TYR: variants seen among roughly 807,000 people sequenced by gnomAD.
TYR encodes LB24-AB.
TYR carries 58 observed loss-of-function variants against 51.5 expected under a neutral mutation model. That is an observed-to-expected ratio of 1.13 (90% confidence interval 0.91 to 1.40). TYR has a LOEUF of 1.40. TYR is among the 40% of genes most tolerant of loss of function. TYR has a pLI of 0.00. For missense variants in TYR, 732 were observed against 647.4 expected, an observed-to-expected ratio of 1.13 and a Z score of -1.42; for synonymous variants, 263 against 235.2, an observed-to-expected ratio of 1.12 and a Z score of -1.08.
chr11:89,198,103 G>T (rs1289560110), intron 2 of TYR, among the ~76,000 whole-genome samples: 1 of 151,952 alleles, frequency 6.6e-6, no homozygotes, highest in Non-Finnish European at 1.5e-5. Context: ...ATTTAAACAA[G>T]AATAGTGTGT....
chr11:89,208,751 C>G (rs1458722715), intron 2 of TYR, among the ~76,000 whole-genome samples: 1 of 152,192 alleles, frequency 6.6e-6, no homozygotes, highest in Non-Finnish European at 1.5e-5. Context: ...TAAAACATAT[C>G]TAATGATCTT....
At chr11:89,198,753 T>TTATA (rs1943556761) in intron 2 of TYR, among the ~76,000 whole-genome samples, 1 of 125,040 alleles carries the variant, frequency 8.0e-6, no homozygotes, top group East Asian at 2.1e-4. Flanking sequence ...AACTTTTTTC[T>TTATA]CATATATATA....
At chr11:89,255,502 T>C (rs2135302776) in intron 3 of TYR, among the ~76,000 whole-genome samples, 1 of 151,914 alleles carries the variant, frequency 6.6e-6, no homozygotes, top group East Asian at 1.9e-4. Context: ...TCTTAAATGT[T>C]TGGCAGAATT....
At chr11:89,253,495 C>T (rs1403471644) in intron 3 of TYR, among the ~76,000 whole-genome samples, 2 of 151,744 alleles carry the variant, frequency 1.3e-5, no homozygotes, top group African/African-American at 4.8e-5. Flanking sequence ...TGATTTCTTT[C>T]ATCAGTGTTT....
chr11:89,257,555 C>G (rs1417801280), intron 3 of TYR, among the ~76,000 whole-genome samples: 2 of 151,908 alleles, frequency 1.3e-5, no homozygotes, highest in African/African-American at 4.8e-5. Flanking sequence ...TATCGTTGAT[C>G]ACACATATGA....
At chr11:89,277,200 A>G (rs1944665116) in intron 3 of TYR, among the ~76,000 whole-genome samples, 1 of 151,808 alleles carries the variant, frequency 6.6e-6, no homozygotes, top group Non-Finnish European at 1.5e-5. Context: ...GTTTGTTTTA[A>G]CAAGTAACTG....
rs552701758 is a variant in TYR at position 89,257,611 on chromosome 11, A to G, written c.1185-27162A>G. Among the ~76,000 whole-genome samples, 4 of 152,206 alleles carry G rather than the reference A, an allele frequency of 2.6e-5. No homozygotes were observed. In the South Asian group the frequency reaches 8.3e-4, roughly 32 times the overall value. On this transcript the variant is annotated intron_variant, in intron 3 of 4. Coordinates refer to ENST00000263321, the MANE Select transcript of TYR (RefSeq NM_000372.5). ...TAATATATAAAAATACTGTATATGT[A>G]TACACACAGACAGACACAAATTAGG...
rs1322704110 is a variant in TYR, at chr11:89,224,238, A to G, written c.1037-3585A>G. 5.3e-5 allele frequency among the ~76,000 whole-genome samples: 8 copies of G among 152,128 alleles called. No homozygotes were observed. In the South Asian group the frequency reaches 1.2e-3, roughly 24 times the overall value. On this transcript the variant is annotated intron_variant, in intron 2 of 4. Coordinates refer to ENST00000263321, the MANE Select transcript of TYR (RefSeq NM_000372.5). ...TTTACCACATGCAACATGATTATAGAAATACTAGTTACTACTCAGGAAGTA... is the reference window on the plus strand; with the variant it reads ...TTTACCACATGCAACATGATTATAGGAATACTAGTTACTACTCAGGAAGTA...
intron 3 of TYR, among the ~76,000 whole-genome samples, chr11:89,240,731 C>A (rs530115689): frequency 6.6e-6 from 1 of 152,186 alleles, no homozygotes. Flanking sequence ...TGGATAATCT[C>A]TTTTTGAAGA....
intron 2 of TYR, among the ~76,000 whole-genome samples, chr11:89,222,868 T>C (rs1310095161): frequency 6.6e-6 from 1 of 152,192 alleles, no homozygotes; most frequent in East Asian, 1.9e-4. Context: ...ACAAAGAACA[T>C]TGAGCTATTT....
intron 1 of TYR, among the ~76,000 whole-genome samples, chr11:89,186,386 T>C (rs954696777): frequency 6.6e-6 from 1 of 152,258 alleles, no homozygotes; most frequent in South Asian, 2.1e-4. Context: ...ATGGAGCATA[T>C]GCTTGGTTCA....
At chr11:89,277,659 T>C (rs1228553726) in intron 3 of TYR, among the ~76,000 whole-genome samples, 3 of 151,730 alleles carry the variant, frequency 2.0e-5, no homozygotes, top group Non-Finnish European at 3.0e-5. Flanking sequence ...AATATTCCAC[T>C]TCTTCAGGGG....
intron 3 of TYR, among the ~76,000 whole-genome samples, chr11:89,276,261 T>C (rs2135318389): frequency 6.6e-6 from 1 of 151,940 alleles, no homozygotes; most frequent in East Asian, 2.0e-4. Context: ...AAGGAGCATG[T>C]TTAACTGACA....
At chr11:89,207,648 G>A (rs538547676) in intron 2 of TYR, among the ~76,000 whole-genome samples, 1 of 152,156 alleles carries the variant, frequency 6.6e-6, no homozygotes, top group East Asian at 1.9e-4. Context: ...CAGATAAAAG[G>A]ATGCCAAGAA....
chr11:89,207,784 A>T (rs1160389237), intron 2 of TYR, among the ~76,000 whole-genome samples: 1 of 152,206 alleles, frequency 6.6e-6, no homozygotes, highest in Non-Finnish European at 1.5e-5. Flanking sequence ...TTCCAAAAAT[A>T]CCAAACTGCT....
At chr11:89,219,569 G>A (rs764194920) in intron 2 of TYR, among the ~76,000 whole-genome samples, 4 of 152,158 alleles carry the variant, frequency 2.6e-5, no homozygotes, top group South Asian at 2.1e-4. Flanking sequence ...GAGTACAGGC[G>A]TGACCCACTG....
intron 3 of TYR, among the ~76,000 whole-genome samples, chr11:89,252,571 G>A (rs1300532256): frequency 6.6e-6 from 1 of 151,822 alleles, no homozygotes; most frequent in East Asian, 1.9e-4. Context: ...GACCTGGATA[G>A]TAAAATAATT....
intron 3 of TYR, among the ~76,000 whole-genome samples, chr11:89,253,064 C>T (rs1326319879): frequency 1.3e-5 from 2 of 151,596 alleles, no homozygotes; most frequent in East Asian, 3.9e-4. Context: ...TTAGTCATAC[C>T]TCCAAATTTA....
intron 3 of TYR, among the ~76,000 whole-genome samples, chr11:89,241,093 T>C (rs897272562): frequency 3.3e-5 from 5 of 152,148 alleles, no homozygotes; most frequent in African/African-American, 1.2e-4. Flanking sequence ...GGTCATTAAA[T>C]CAGCCTAACA....
Sources: gnomAD v4.1 joint callset for allele counts (sites outside exome capture counted in the v4.1 genomes callset) on GRCh38, gnomAD v4.1.1 for gene constraint, MANE v1.5 for transcripts, NCBI Gene and HGNC (gene_info 2026-07-23, HGNC 2026-07-21) for gene names.